MTMR2: variants seen among roughly 807,000 people sequenced by gnomAD.
The protein encoded by MTMR2 is phosphatidylinositol-3,5-bisphosphate 3-phosphatase MTMR2.
MTMR2 carries 55 observed loss-of-function variants against 86.9 expected under a neutral mutation model. The ratio of observed to expected loss-of-function variants is 0.63; its 90% CI spans 0.51 to 0.79. The LOEUF is 0.79. Ranked by LOEUF, MTMR2 falls within the 30% of genes least tolerant of loss-of-function variation. The probability of loss-of-function intolerance (pLI) is 0.00; values close to 1 mark genes in which losing one functional copy is unlikely to be tolerated. For missense variants in MTMR2, 659 were observed against 772.3 expected (o/e 0.85, Z 1.74); for synonymous variants, 241 against 266.8 (o/e 0.90, Z 0.94).
chr11:95,836,037 G>A, intron 14 of MTMR2, 111 bp downstream of exon 14: 2 of 1,057,722 alleles, frequency 1.9e-6, no homozygotes, highest in South Asian at 2.5e-5. Flanking sequence ...ACTATCAATG[G>A]GTAAGGAGTA....
chr11:95,839,533 TAGC>T (rs1863446053), intron 12 of MTMR2, among the ~76,000 whole-genome samples: 1 of 152,100 alleles, frequency 6.6e-6, no homozygotes, highest in Non-Finnish European at 1.5e-5. Context: ...GAAAGTAAAA[TAGC>T]AGGGCATTAA....
intron 1 of MTMR2, among the ~76,000 whole-genome samples, chr11:95,899,940 T>C (rs1230319359): frequency 1.3e-5 from 2 of 152,152 alleles, no homozygotes; most frequent in Non-Finnish European, 2.9e-5. Context: ...CCATCAAACA[T>C]TTCTGAGTAG....
At chr11:95,871,636 C>G (rs993094336) in intron 2 of MTMR2, among the ~76,000 whole-genome samples, 5 of 152,054 alleles carry the variant, frequency 3.3e-5, no homozygotes, top group East Asian at 1.9e-4. Context: ...GGATATTAGG[C>G]CTTTGTCAGA....
intron 1 of MTMR2, among the ~76,000 whole-genome samples, chr11:95,893,312 C>A (rs1248114450): frequency 1.3e-5 from 2 of 152,104 alleles, no homozygotes; most frequent in Non-Finnish European, 2.9e-5. Context: ...TGGGAATTAC[C>A]CTGCCACTAT....
intron 2 of MTMR2, among the ~76,000 whole-genome samples, chr11:95,874,549 A>G (rs1865027047): frequency 6.6e-6 from 1 of 151,998 alleles, no homozygotes; most frequent in African/African-American, 2.4e-5. Context: ...TCTTTATCCA[A>G]TTTGCCAGTC....
chr11:95,857,894 A>C (rs1864268346), intron 6 of MTMR2, among the ~76,000 whole-genome samples: 1 of 152,134 alleles, frequency 6.6e-6, no homozygotes, highest in African/African-American at 2.4e-5. Flanking sequence ...TTTCTTTCAG[A>C]TTATCCTTGG....
intron 12 of MTMR2, 126 bp downstream of exon 12, chr11:95,841,491 A>C (rs1299568995): frequency 1.3e-6 from 1 of 778,120 alleles, no homozygotes; most frequent in South Asian, 1.4e-5. Flanking sequence ...TAGCTCTCAC[A>C]TGGACATGGA....
intron 10 of MTMR2, among the ~76,000 whole-genome samples, chr11:95,846,456 T>C (rs919252345): frequency 6.6e-6 from 1 of 152,098 alleles, no homozygotes; most frequent in Non-Finnish European, 1.5e-5. Flanking sequence ...AAACGCTCCA[T>C]AGAAGTTATA....
chr11:95,870,100 G>T (rs576198103), intron 2 of MTMR2, among the ~76,000 whole-genome samples: 1 of 152,134 alleles, frequency 6.6e-6, no homozygotes, highest in East Asian at 1.9e-4. Flanking sequence ...ATATTTAGTT[G>T]GAAAACTACT....
At chr11:95,913,249 A>C (rs1866576985) in intron 1 of MTMR2, among the ~76,000 whole-genome samples, 1 of 152,144 alleles carries the variant, frequency 6.6e-6, no homozygotes, top group African/African-American at 2.4e-5. Context: ...CCCTGCAAAA[A>C]AATCATGATG....
chr11:95,892,457 T>C (rs1024246373), intron 1 of MTMR2, among the ~76,000 whole-genome samples: 5 of 152,212 alleles, frequency 3.3e-5, no homozygotes, highest in Non-Finnish European at 5.9e-5. Context: ...TTCAGTTACA[T>C]GGCCACCTCT....
At chr11:95,850,476 T>C in intron 8 of MTMR2, 124 bp downstream of exon 8, 1 of 997,294 alleles carries the variant, frequency 1.0e-6, no homozygotes. Flanking sequence ...CAATCTCCAA[T>C]ATCCCCATGA....
intron 5 of MTMR2, among the ~76,000 whole-genome samples, chr11:95,860,806 G>A (rs1329025935): frequency 6.6e-6 from 1 of 152,142 alleles, no homozygotes; most frequent in Non-Finnish European, 1.5e-5. Context: ...AAGAATGCCA[G>A]TAAATAAGAA....
At chr11:95,899,153 C>A (rs1350443269) in intron 1 of MTMR2, among the ~76,000 whole-genome samples, 1 of 152,104 alleles carries the variant, frequency 6.6e-6, no homozygotes, top group Non-Finnish European at 1.5e-5. Flanking sequence ...ATTAGGAGAT[C>A]TTTTCCAGTC....
chr11:95,839,783 A>T (rs1863459716), intron 12 of MTMR2, among the ~76,000 whole-genome samples: 1 of 152,174 alleles, frequency 6.6e-6, no homozygotes, highest in Non-Finnish European at 1.5e-5. Flanking sequence ...TATAAAACTG[A>T]TAATTGCTAA....
At chr11:95,843,953 A>T (rs1404762595) in intron 11 of MTMR2, among the ~76,000 whole-genome samples, 1 of 152,156 alleles carries the variant, frequency 6.6e-6, no homozygotes, top group Non-Finnish European at 1.5e-5. Flanking sequence ...TCCTGAAACC[A>T]AAAAGTTTGA....
At chr11:95,892,164 C>T (rs909747668) in intron 1 of MTMR2, among the ~76,000 whole-genome samples, 1 of 152,122 alleles carries the variant, frequency 6.6e-6, no homozygotes, top group Non-Finnish European at 1.5e-5. Context: ...AAGTCAAGCT[C>T]TCTATGTTTA....
chr11:95,883,041 C>A (rs535577984), intron 2 of MTMR2, among the ~76,000 whole-genome samples: 1 of 151,568 alleles, frequency 6.6e-6, no homozygotes, highest in Non-Finnish European at 1.5e-5. Context: ...CCACCGCGCC[C>A]GGCCAAAAGA....
rs369804894 is a variant in MTMR2 at position 95,835,371 on chromosome 11, C to G, written c.1851G>C (p.Glu617Asp). The G allele has an allele frequency of 6.8e-6, 11 of 1,613,006 alleles. No homozygotes were observed. Among genetic ancestry groups the G allele is most frequent in the African/African-American group, 1.3e-5 (1 of 74,870 alleles). Residue 617 changes from glutamate (E) to aspartate (D), a missense_variant, in exon 15 of 15, where the codon GAG becomes GAC. Glu to Asp is a conservative substitution (Grantham distance 45). Around this residue, in one of 3 missense-constraint regions of MTMR2, gnomAD observed 193 missense variants for 191.6 expected, o/e 1.01. Transcript: ENST00000346299. ...LQKKVEELQREISNRSTSSSE... is the reference protein window; with the variant it reads ...LQKKVEELQRDISNRSTSSSE... ...AGGATGAGGTTGATCGGTTAGAAAT[C>G]TCTCTCTGTAGTTCCTCTACTTTTT...
Sources: gnomAD v4.1 joint callset for allele counts (sites outside exome capture counted in the v4.1 genomes callset) on GRCh38, gnomAD v4.1.1 for gene constraint, gnomAD v4.1.1 regional missense constraint, MANE v1.5 for transcripts, NCBI Gene and HGNC (gene_info 2026-07-23, HGNC 2026-07-21) for gene names.